The following ANK1 variants were observed in gnomAD, a reference collection of about 807,000 sequenced individuals.
ANK1 encodes ankyrin-1.
In ANK1, 51 loss-of-function variants were observed where a neutral mutation model predicts 210.4. The ratio of observed to expected loss-of-function variants is 0.24; its 90% CI spans 0.19 to 0.31. The LOEUF (loss-of-function observed/expected upper bound fraction) is 0.31. Ranked by LOEUF, ANK1 falls within the 10% of genes least tolerant of loss-of-function variation. The pLI is 1.00. For missense variants in ANK1, 2,051 were observed against 2,504.4 expected (o/e 0.82, Z 3.86); for synonymous variants, 967 against 1,025.9 (o/e 0.94, Z 1.10).
rs779941538 is a variant in ANK1, at chr8:41,727,951, C to T, written c.284G>A (p.Arg95Gln). The part of the protein sequence containing the change: ...AALAGQDEVV[R>Q]ELVNYGANVN... Reference sequence around the variant, plus strand: ...GTTGGCTCCATAGTTGACAAGCTCCCGGACCACCTCATCCTGCCCGGCTAG... The same window carrying T: ...GTTGGCTCCATAGTTGACAAGCTCCTGGACCACCTCATCCTGCCCGGCTAG... Residue 95 changes from arginine to glutamine, a missense_variant, in exon 4 of 43, where the codon CGG (arginine) becomes CAG (glutamine). Physicochemically the swap from Arg to Gln is conservative, Grantham distance 43. This residue lies in a region of ANK1 where 72 missense variants were observed against 133.5 expected (regional missense o/e 0.54). Transcript: ENST00000289734. The T allele has an allele frequency of 1.6e-5, 26 of 1,614,062 alleles. No homozygotes were observed. Among genetic ancestry groups the T allele is most frequent in the Middle Eastern group, 1.6e-4 (1 of 6,080 alleles).
At chr8:41,825,600 A>T (rs1267486993) in intron 1 of ANK1, among the ~76,000 whole-genome samples, 1 of 152,060 alleles carries the variant, frequency 6.6e-6, no homozygotes, top group Non-Finnish European at 1.5e-5. Context: ...AAACAAGTCC[A>T]TTTTCTCCTG....
chr8:41,762,478 T>C (rs902246202), intron 1 of ANK1, among the ~76,000 whole-genome samples: 2 of 152,202 alleles, frequency 1.3e-5, no homozygotes, highest in African/African-American at 2.4e-5. Flanking sequence ...CCAAGTCTTC[T>C]ATCTCTTTTG....
intron 5 of ANK1, among the ~76,000 whole-genome samples, chr8:41,726,549 C>A: frequency 6.6e-6 from 1 of 152,068 alleles, no homozygotes; most frequent in East Asian, 1.9e-4. Context: ...CCACCACACC[C>A]AGCTAATTTT....
At chr8:41,725,173 A>C (rs1282300780) in intron 6 of ANK1, among the ~76,000 whole-genome samples, 1 of 152,124 alleles carries the variant, frequency 6.6e-6, no homozygotes, top group Admixed American at 6.5e-5. Context: ...AACCCCACCC[A>C]GGTGTTTTCC....
At chr8:41,755,421 C>T (rs1482059591) in intron 2 of ANK1, among the ~76,000 whole-genome samples, 1 of 152,220 alleles carries the variant, frequency 6.6e-6, no homozygotes, top group East Asian at 1.9e-4. Flanking sequence ...CCTTTGAGAG[C>T]TAGAATCTTA....
At chr8:41,782,581 AG>A in intron 1 of ANK1, among the ~76,000 whole-genome samples, 1 of 152,330 alleles carries the variant, frequency 6.6e-6, no homozygotes, top group South Asian at 2.1e-4. Context: ...CCGTGCCCCC[AG>A]GTAATTCCTG....
Position 41,811,528 on chromosome 8 carries a change from T to A in ANK1, c.127-53391A>T, listed in dbSNP as rs531100214. ...TTCTGCCCATCAGCCCCATTCGGAA[T>A]AAACCCACCGCCTTCCCCCTCAGTC... is the stretch of plus-strand genomic sequence containing the variant. On this transcript the variant is annotated intron_variant, in intron 1 of 42. Coordinates refer to the ANK1 transcript ENST00000265709. 1.4e-4 allele frequency among the ~76,000 whole-genome samples: 10 copies of A among 71,246 alleles called. No homozygotes were observed. In the South Asian group the frequency reaches 4.5e-3, roughly 32 times the overall value. 46.7% of individuals were successfully genotyped at this position (71,246 alleles called of 152,430 possible).
rs755673634 is a variant in ANK1 at position 41,728,023 on chromosome 8, A to G, written c.229-17T>C. The G allele has an allele frequency of 1.2e-6, 2 of 1,613,102 alleles. No individual in the cohort carries two copies. The highest frequency in any genetic ancestry group is 4.5e-5 in the East Asian group (2 of 44,868). On this transcript the variant is annotated splice_polypyrimidine_tract_variant and intron_variant, in intron 3 of 42. Coordinates refer to ENST00000289734, the MANE Select transcript of ANK1 (RefSeq NM_000037.4). ...GTTCCCCTTCTGAAACACATGGGGGAAGGGAACAGAGGCGGTTTCCCACTG... is the reference window on the plus strand; with the variant it reads ...GTTCCCCTTCTGAAACACATGGGGGGAGGGAACAGAGGCGGTTTCCCACTG...
intron 24 of ANK1, among the ~76,000 whole-genome samples, chr8:41,697,176 G>A (rs775732840): frequency 5.3e-5 from 8 of 152,208 alleles, no homozygotes; most frequent in Non-Finnish European, 1.0e-4. Context: ...CACCGTGACC[G>A]CCTCGCCAGT....
intron 1 of ANK1, among the ~76,000 whole-genome samples, chr8:41,879,826 A>G (rs1036878586): frequency 1.3e-5 from 2 of 152,192 alleles, no homozygotes; most frequent in Non-Finnish European, 2.9e-5. Context: ...TCCTGTCCAT[A>G]AGAGAGGGGG....
chr8:41,737,255 C>T (rs1007285665), intron 2 of ANK1, among the ~76,000 whole-genome samples: 16 of 152,158 alleles, frequency 1.1e-4, no homozygotes, highest in African/African-American at 3.9e-4. Context: ...GCAGAGATCA[C>T]ACCACTGAAT....
intron 2 of ANK1, among the ~76,000 whole-genome samples, chr8:41,737,722 T>C (rs1183937919): frequency 6.6e-6 from 1 of 152,244 alleles, no homozygotes; most frequent in Non-Finnish European, 1.5e-5. Context: ...CTGAATCCAC[T>C]GTTCTCAGCA....
intron 1 of ANK1, among the ~76,000 whole-genome samples, chr8:41,778,096 A>T (rs192270857): frequency 8.9e-4 from 135 of 152,326 alleles, no homozygotes; most frequent in African/African-American, 3.0e-3. Context: ...TCATTCATTT[A>T]TTCTTTCACT....
At chr8:41,671,091 G>A (rs900919116) in intron 38 of ANK1, among the ~76,000 whole-genome samples, 1 of 152,202 alleles carries the variant, frequency 6.6e-6, no homozygotes, top group Non-Finnish European at 1.5e-5. Flanking sequence ...GCCGGTCCTC[G>A]GCCGCAGACT....
chr8:41,784,954 A>C (rs1846048614), intron 1 of ANK1, among the ~76,000 whole-genome samples: 1 of 152,228 alleles, frequency 6.6e-6, no homozygotes, highest in Non-Finnish European at 1.5e-5. Flanking sequence ...GTGGGCTTCC[A>C]AGGGTTCCAT....
At chr8:41,803,049 A>AG (rs1850271669) in intron 1 of ANK1, among the ~76,000 whole-genome samples, 1 of 82,740 alleles carries the variant, frequency 1.2e-5, no homozygotes, top group Admixed American at 1.2e-4. Flanking sequence ...AAGAGAAAGA[A>AG]AGAAAGAGAG....
intron 1 of ANK1, among the ~76,000 whole-genome samples, chr8:41,827,921 CAT>C (rs1257786481): frequency 6.6e-6 from 1 of 152,190 alleles, no homozygotes; most frequent in African/African-American, 2.4e-5. Flanking sequence ...CACACACCCA[CAT>C]ACACACACGC....
At chr8:41,802,860 C>T (rs563188227) in intron 1 of ANK1, among the ~76,000 whole-genome samples, 6 of 135,000 alleles carry the variant, frequency 4.4e-5, no homozygotes, top group East Asian at 4.3e-4. Flanking sequence ...CCGCAGTGAG[C>T]GATGATCATG....
At chr8:41,687,636 C>T (rs1165043345) in intron 35 of ANK1, among the ~76,000 whole-genome samples, 2 of 152,202 alleles carry the variant, frequency 1.3e-5, no homozygotes, top group African/African-American at 4.8e-5. Flanking sequence ...GGGATTAAGC[C>T]TCTTTCACCG....
Sources: gnomAD v4.1 joint callset for allele counts (sites outside exome capture counted in the v4.1 genomes callset) on GRCh38, gnomAD v4.1.1 for gene constraint, gnomAD v4.1.1 regional missense constraint, MANE v1.5 for transcripts, NCBI Gene and HGNC (gene_info 2026-07-23, HGNC 2026-07-21) for gene names.